The following ZNF300 variants were observed in gnomAD, a reference collection of about 807,000 sequenced individuals.
ZNF300 encodes the protein kruppel-like zinc finger protein.
A neutral mutation model predicts 13.9 loss-of-function variants in ZNF300; 6 were observed. That is an observed-to-expected ratio of 0.43 (90% CI 0.24 to 0.85). ZNF300 has a LOEUF of 0.85. Ranked by LOEUF, ZNF300 falls within the 40% of genes least tolerant of loss-of-function variation. The pLI, the probability that ZNF300 is intolerant of heterozygous loss-of-function variation, is 0.25. For missense variants in ZNF300, 662 were observed against 714.2 expected, an observed-to-expected ratio of 0.93 and a Z score of 0.83; for synonymous variants, 237 against 242.2, an observed-to-expected ratio of 0.98 and a Z score of 0.20.
intron 5 of ZNF300, 60 bp downstream of exon 5, chr5:150,898,002 T>C (rs1373065852): frequency 6.4e-7 from 1 of 1,566,596 alleles, no homozygotes; most frequent in Non-Finnish European, 8.6e-7. Context: ...TTGATAAGGA[T>C]AGAAACATAA....
chr5:150,899,588 A>G (rs1754922755), intron 3 of ZNF300, among the ~76,000 whole-genome samples: 1 of 152,100 alleles, frequency 6.6e-6, no homozygotes, highest in South Asian at 2.1e-4. Flanking sequence ...CAATTACAGT[A>G]GCAACAAAAA....
At position 150,896,079 on chromosome 5, in the gene ZNF300, C is replaced by G. The variant is rs575599619; in HGVS notation, c.1160G>C (p.Gly387Ala). 4 of 1,613,452 alleles carry G rather than the reference C, an allele frequency of 2.5e-6. No homozygotes were observed. Among genetic ancestry groups the G allele is most frequent in the Admixed American group, 3.3e-5 (2 of 59,858 alleles). The change falls in exon 6 of 6, where the codon GGG becomes GCG. Residue 387 changes from glycine to alanine, a missense_variant. By Grantham distance (60) the Gly-to-Ala change is moderately conservative. Transcript: ENST00000274599. ...CTGTGACTTCTGGGAAAAGGCCTTC[C>G]CACACTCTCTACATTCATAGGGTTT... ...GEKPYECREC[G>A]KAFSQKSQLI...
rs1754717920 is a variant in ZNF300, at chr5:150,895,390, G to T, written c.*34C>A. On this transcript the variant is annotated 3_prime_UTR_variant, in exon 6 of 6. Transcript: ENST00000274599. ...GGGTTTCTAGTAATTATTAAGGCTT[G>T]AGCTAATACTAAGGCTTTTCTGTGG... 6 of 1,474,906 alleles carry T rather than the reference G, an allele frequency of 4.1e-6. No homozygotes were observed. The South Asian group carries it at 8.2e-5, about 20-fold the overall frequency. 91.4% of individuals were successfully genotyped at this position (1,474,906 alleles called of 1,614,324 possible). A position where few individuals can be genotyped will look rare whatever the true frequency, so the allele number is the denominator to read the frequency against.
At chr5:150,901,161 CTAAT>C (rs551321664) in intron 3 of ZNF300, among the ~76,000 whole-genome samples, 1 of 152,140 alleles carries the variant, frequency 6.6e-6, no homozygotes, top group African/African-American at 2.4e-5. Context: ...ATTTAATCAA[CTAAT>C]TAGCCACAGC....
intron 5 of ZNF300, chr5:150,897,671 G>A (rs370163647): frequency 2.6e-5 from 5 of 190,852 alleles, no homozygotes; most frequent in African/African-American, 1.2e-4. Flanking sequence ...TGCATGCTCT[G>A]AAAAATGTTT....
At chr5:150,899,147 T>A (rs1428078213) in intron 3 of ZNF300, among the ~76,000 whole-genome samples, 1 of 152,044 alleles carries the variant, frequency 6.6e-6, no homozygotes, top group African/African-American at 2.4e-5. Context: ...TCCCTCACAG[T>A]CCTGAAGAAC....
chr5:150,898,938 A>G (rs1754897457), intron 3 of ZNF300, among the ~76,000 whole-genome samples: 1 of 152,094 alleles, frequency 6.6e-6, no homozygotes, highest in South Asian at 2.1e-4. Flanking sequence ...TCAAAATGTG[A>G]TATGACTTGG....
chr5:150,897,171 G>A (rs890824475), intron 5 of ZNF300, 198 bp from the exon 6 acceptor site: 2 of 442,064 alleles, frequency 4.5e-6, no homozygotes, highest in Non-Finnish European at 7.9e-6. Flanking sequence ...AAATATTCAT[G>A]TAAAAACTAA....
intron 4 of ZNF300, 105 bp downstream of exon 4, chr5:150,898,323 G>T: frequency 1.3e-6 from 2 of 1,598,158 alleles, no homozygotes; most frequent in Non-Finnish European, 1.7e-6. Flanking sequence ...AGGTATGAAG[G>T]TCATAAAAGT....
intron 5 of ZNF300, chr5:150,897,705 A>C: frequency 4.0e-6 from 1 of 249,252 alleles, no homozygotes; most frequent in East Asian, 8.2e-5. Flanking sequence ...ACATCTCTTT[A>C]GACTCTTAAT....
chr5:150,900,458 CCT>C, intron 3 of ZNF300: 1 of 152,202 alleles, frequency 6.6e-6, no homozygotes, highest in Non-Finnish European at 1.5e-5. Flanking sequence ...GTTGTTCCCC[CCT>C]CTCTGCTATA....
rs772495156 is a variant in ZNF300, at chr5:150,898,054, T to A, written c.265+8A>T. The stretch of plus-strand genomic sequence containing the variant: ...AATTAAAAAAACATAAATTGATATT[T>A]CACTTCCCTTGTCTCCCATCTGCCT... On this transcript the variant is annotated splice_region_variant and intron_variant, in intron 5 of 5. Coordinates refer to ENST00000274599, the MANE Select transcript of ZNF300 (RefSeq NM_052860.4). 1 of 1,606,562 alleles carries A rather than the reference T, an allele frequency of 6.2e-7. No homozygotes were observed. Among genetic ancestry groups the A allele is most frequent in the Non-Finnish European group, 8.5e-7 (1 of 1,177,722 alleles).
Position 150,896,320 on chromosome 5 carries a change from T to C in ZNF300, c.919A>G (p.Ser307Gly). 2 of 1,613,648 alleles carry C rather than the reference T, an allele frequency of 1.2e-6. No individual in the cohort carries two copies. Among genetic ancestry groups the C allele is most frequent in the Non-Finnish European group, 1.7e-6 (2 of 1,179,802 alleles). The change falls in exon 6 of 6, where the codon AGT becomes GGT. Residue 307 changes from serine to glycine, a missense_variant. By Grantham distance (56) the Ser-to-Gly change is moderately conservative (BLOSUM62 0). Transcript: ENST00000274599. ...YDCGACGKAFSEKFHLVVHQR... is the reference protein window; with the variant it reads ...YDCGACGKAFGEKFHLVVHQR... ...TGTACAACAAGATGAAACTTCTCACTGAAGGCTTTTCCGCATGCACCACAA... is the reference window on the plus strand; with the variant it reads ...TGTACAACAAGATGAAACTTCTCACCGAAGGCTTTTCCGCATGCACCACAA...
Position 150,895,767 on chromosome 5 carries a change from T to G in ZNF300, c.1472A>C (p.Lys491Thr). The change falls in exon 6 of 6, where the codon AAA becomes ACA. Residue 491 changes from lysine to threonine, a missense_variant. Physicochemically the swap from Lys to Thr is moderately conservative, Grantham distance 78. Coordinates refer to ENST00000274599, the MANE Select transcript of ZNF300 (RefSeq NM_052860.4). ...IIHQRTHTGE[K>T]PYKCSECGKA... ...GCCACATTCACTACATTTATAGGGT[T>G]TTTCTCCAGTATGTGTTCTCTGATG... The G allele has an allele frequency of 6.2e-7, 1 of 1,613,588 alleles. No individual in the cohort carries two copies. Among genetic ancestry groups the G allele is most frequent in the Non-Finnish European group, 8.5e-7 (1 of 1,179,814 alleles).
rs1754696940 is a variant in ZNF300, at chr5:150,894,815, G to T, written c.*609C>A. On this transcript the variant is annotated 3_prime_UTR_variant, in exon 6 of 6. Coordinates refer to ENST00000274599, the MANE Select transcript of ZNF300 (RefSeq NM_052860.4). ...TTTTCAGCTCCAAGTTCCCAGTTGGGAAGAGTAAAAGGGAGACCTGCTCAA... is the reference window on the plus strand; with the variant it reads ...TTTTCAGCTCCAAGTTCCCAGTTGGTAAGAGTAAAAGGGAGACCTGCTCAA... The T allele has an allele frequency of 6.6e-6, 1 of 152,290 alleles. No homozygotes were observed. The highest frequency in any genetic ancestry group is 1.5e-5 in the Non-Finnish European group (1 of 68,004). The allele number at this position is 152,290 out of a possible 1,614,324, so 9.4% of individuals were successfully genotyped here. A position where few individuals can be genotyped will look rare whatever the true frequency, so the allele number is the denominator to read the frequency against.
chr5:150,896,983 G>A lies in ZNF300; in HGVS notation c.266-10C>T, dbSNP rs1168241682. 2.5e-6 allele frequency: 4 copies of A among 1,591,570 alleles called. No individual in the cohort carries two copies. The highest frequency in any genetic ancestry group is 2.6e-6 in the Non-Finnish European group (3 of 1,169,550). ...AGGTTACTCTTCCTGTCTAAAAGAA[G>A]AAAAGATACAATTTAAGAGTCATCA... is the stretch of plus-strand genomic sequence containing the variant. On this transcript the variant is annotated splice_polypyrimidine_tract_variant and intron_variant, in intron 5 of 5. Transcript: ENST00000274599.
In ZNF300 at chr5:150,904,862, C is replaced by A. The variant is rs962863443; in HGVS notation, c.-300G>T. 2 of 152,596 alleles carry A rather than the reference C, an allele frequency of 1.3e-5. No homozygotes were observed. Among genetic ancestry groups the A allele is most frequent in the East Asian group, 3.8e-4 (2 of 5,276 alleles). 9.5% of individuals were successfully genotyped at this position (152,596 alleles called of 1,614,324 possible). ...CCGGGCTCCCGAGGCTGCGCCGTTCCGTACTGGGCGGTTTTGCCCGTTCCG... is the reference window on the plus strand; with the variant it reads ...CCGGGCTCCCGAGGCTGCGCCGTTCAGTACTGGGCGGTTTTGCCCGTTCCG... On this transcript the variant is annotated 5_prime_UTR_variant, in exon 1 of 6. Coordinates refer to ENST00000274599, the MANE Select transcript of ZNF300 (RefSeq NM_052860.4).
intron 5 of ZNF300, 127 bp downstream of exon 5, chr5:150,897,935 C>A: frequency 8.7e-7 from 1 of 1,143,098 alleles, no homozygotes; most frequent in Non-Finnish European, 1.2e-6. Flanking sequence ...AAAGGCTTCA[C>A]AATTACTTGT....
chr5:150,899,301 G>A (rs960305850), intron 3 of ZNF300, among the ~76,000 whole-genome samples: 4 of 151,528 alleles, frequency 2.6e-5, no homozygotes, highest in Middle Eastern at 3.4e-3. Context: ...AGATTCTGAT[G>A]GAATAAAAAT....
Sources: gnomAD v4.1 joint callset for allele counts (sites outside exome capture counted in the v4.1 genomes callset) on GRCh38, gnomAD v4.1.1 for gene constraint, MANE v1.5 for transcripts, NCBI Gene and HGNC (gene_info 2026-07-23, HGNC 2026-07-21) for gene names.